PCSK6: variants seen among roughly 807,000 people sequenced by gnomAD.
PCSK6 encodes the protein paired basic amino acid cleaving enzyme 4.
Under a neutral mutation model 123.3 loss-of-function variants are expected in PCSK6, and 85 were observed. That is an observed-to-expected ratio of 0.69 (90% CI 0.58 to 0.83). The LOEUF (loss-of-function observed/expected upper bound fraction) is 0.83, where lower values mean the gene tolerates loss of function less well. Among genes scored for constraint, PCSK6 ranks in the 40% least tolerant of loss-of-function variants. PCSK6 has a pLI of 0.00. For missense variants in PCSK6, 1,191 were observed against 1,282.3 expected, an observed-to-expected ratio of 0.93 and a Z score of 1.09; for synonymous variants, 508 against 516.0, an observed-to-expected ratio of 0.98 and a Z score of 0.21.
At chr15:101,423,202 G>C (rs146290332) in intron 6 of PCSK6, among the ~76,000 whole-genome samples, 1 of 151,160 alleles carries the variant, frequency 6.6e-6, no homozygotes, top group African/African-American at 2.4e-5. Flanking sequence ...TGAGGGATTC[G>C]GAAACAGTAA....
intron 1 of PCSK6, among the ~76,000 whole-genome samples, chr15:101,469,660 C>G (rs945884840): frequency 6.6e-6 from 1 of 152,250 alleles, no homozygotes; most frequent in Non-Finnish European, 1.5e-5. Context: ...GCGGCTAGAG[C>G]CGGGTGCCTC....
intron 1 of PCSK6, among the ~76,000 whole-genome samples, chr15:101,487,938 T>A (rs1225162979): frequency 2.0e-5 from 3 of 152,164 alleles, no homozygotes; most frequent in Non-Finnish European, 2.9e-5. Context: ...TATGTGTATA[T>A]ATGTAACATT....
chr15:101,363,271 G>A (rs1004048588), intron 13 of PCSK6, among the ~76,000 whole-genome samples: 11 of 152,340 alleles, frequency 7.2e-5, no homozygotes, highest in Non-Finnish European at 1.3e-4. Context: ...CGTTGTATTC[G>A]GCTCATGATA....
At chr15:101,331,368 A>T (rs922359429) in intron 15 of PCSK6, among the ~76,000 whole-genome samples, 5 of 152,230 alleles carry the variant, frequency 3.3e-5, no homozygotes, top group South Asian at 2.1e-4. Context: ...GCTGGTCAGG[A>T]TCTCTGCCAC....
rs35083182 is a variant in PCSK6, at chr15:101,342,129, C to CAAAA, written c.1859-10102_1859-10099dup. ...TGGGAAACAGAGTAAGACCCTGTCT[C>CAAAA]AAAAAAAAAAAAAAAAAAAAAAAAG... On this transcript the variant is annotated intron_variant, in intron 13 of 21. Coordinates refer to ENST00000611716, the MANE Select transcript of PCSK6 (RefSeq NM_002570.5). 2.0e-3 allele frequency among the ~76,000 whole-genome samples: 103 copies of CAAAA among 51,492 alleles called. 6 individuals are homozygous for CAAAA. Among genetic ancestry groups the CAAAA allele is most frequent in the African/African-American group, 4.9e-3 (64 of 13,088 alleles). The allele number at this position is 51,492 out of a possible 152,430, so 33.8% of individuals were successfully genotyped here. A position where few individuals can be genotyped will look rare whatever the true frequency, so the allele number is the denominator to read the frequency against.
chr15:101,325,463 G>C (rs959302331), intron 16 of PCSK6, among the ~76,000 whole-genome samples: 1 of 152,220 alleles, frequency 6.6e-6, no homozygotes, highest in Non-Finnish European at 1.5e-5. Flanking sequence ...GGGAGCTCGA[G>C]GACGCCACGA....
chr15:101,454,894 A>C (rs556361525), intron 1 of PCSK6, among the ~76,000 whole-genome samples: 163 of 152,098 alleles, frequency 1.1e-3, no homozygotes, highest in Non-Finnish European at 1.7e-3. Context: ...GCAGTGAGCC[A>C]AGATCACACC....
intron 6 of PCSK6, among the ~76,000 whole-genome samples, chr15:101,409,501 C>A (rs536418603): frequency 6.7e-6 from 1 of 150,234 alleles, no homozygotes; most frequent in Non-Finnish European, 1.5e-5. Context: ...AGGAGAATGG[C>A]GTGAACCCGG....
At chr15:101,329,089 G>A (rs1194001169) in intron 15 of PCSK6, among the ~76,000 whole-genome samples, 2 of 152,180 alleles carry the variant, frequency 1.3e-5, no homozygotes, top group Non-Finnish European at 2.9e-5. Context: ...CCTAGCAGGG[G>A]TCTCTTCATA....
rs1596279084 is a variant in PCSK6, at chr15:101,392,291, T to C, written c.1209+921A>G. The stretch of plus-strand genomic sequence containing the variant: ...GGAAAATAACAAATTAATACCTTAG[T>C]TAACCAGGCCGAGCTGCTACCAGGC... On this transcript the variant is annotated intron_variant, in intron 8 of 21. Coordinates refer to ENST00000611716, the MANE Select transcript of PCSK6 (RefSeq NM_002570.5). Among the ~76,000 whole-genome samples, 3 of 152,356 alleles carry C rather than the reference T, an allele frequency of 2.0e-5. No homozygotes were observed. In the South Asian group the frequency reaches 6.2e-4, roughly 32 times the overall value.
At chr15:101,442,421 T>C (rs943246458) in intron 2 of PCSK6, among the ~76,000 whole-genome samples, 1 of 152,134 alleles carries the variant, frequency 6.6e-6, no homozygotes, top group Non-Finnish European at 1.5e-5. Flanking sequence ...GTGAGCTCCA[T>C]GGGGACCACT....
At chr15:101,309,246 G>C (rs900025689) in intron 20 of PCSK6, 9 of 152,620 alleles carry the variant, frequency 5.9e-5, no homozygotes, top group African/African-American at 2.2e-4. Context: ...TGGAGGTCTG[G>C]GGAAATAATC....
intron 2 of PCSK6, among the ~76,000 whole-genome samples, chr15:101,440,008 CAACGACT>C (rs2056711484): frequency 6.6e-6 from 1 of 152,188 alleles, no homozygotes. Flanking sequence ...ACACAGGCAG[CAACGACT>C]AACTATAAGC....
chr15:101,366,591 G>C (rs527567938), intron 12 of PCSK6, among the ~76,000 whole-genome samples: 2 of 152,270 alleles, frequency 1.3e-5, no homozygotes, highest in South Asian at 4.1e-4. Context: ...AGGCAGGCAG[G>C]CAGGTTTCAT....
intron 12 of PCSK6, among the ~76,000 whole-genome samples, chr15:101,367,254 ACT>A (rs1253867373): frequency 4.6e-5 from 7 of 151,498 alleles, no homozygotes; most frequent in African/African-American, 1.7e-4. Context: ...CTCAGAAGTG[ACT>A]CTTTCTGTAC....
chr15:101,392,693 C>T (rs2042269662), intron 8 of PCSK6, among the ~76,000 whole-genome samples: 1 of 147,720 alleles, frequency 6.8e-6, no homozygotes, highest in African/African-American at 2.5e-5. Flanking sequence ...ACAAATCATG[C>T]TTATGTTCAC....
chr15:101,452,344 T>C (rs996686627), intron 1 of PCSK6, among the ~76,000 whole-genome samples: 3 of 152,254 alleles, frequency 2.0e-5, no homozygotes, highest in Non-Finnish European at 4.4e-5. Flanking sequence ...ATCCTGACTT[T>C]GAAGATCTCC....
chr15:101,439,573 T>C (rs558752547), intron 2 of PCSK6, among the ~76,000 whole-genome samples: 9 of 152,356 alleles, frequency 5.9e-5, no homozygotes, highest in Middle Eastern at 6.8e-3. Flanking sequence ...CATCAACCCC[T>C]GAGACCAATG....
intron 2 of PCSK6, among the ~76,000 whole-genome samples, chr15:101,434,770 C>T (rs2056548136): frequency 6.7e-6 from 1 of 150,338 alleles, no homozygotes; most frequent in African/African-American, 2.5e-5. Flanking sequence ...GGGATGCAGG[C>T]AGACAGCGCG....
Sources: gnomAD v4.1 joint callset for allele counts (sites outside exome capture counted in the v4.1 genomes callset) on GRCh38, gnomAD v4.1.1 for gene constraint, MANE v1.5 for transcripts, NCBI Gene and HGNC (gene_info 2026-07-23, HGNC 2026-07-21) for gene names.